Variants in GPRC5B observed in about 807,000 individuals in gnomAD.
The protein encoded by GPRC5B is G protein-coupled receptor class C group 5 member B, also known as G protein-coupled receptor family C group 5 member B.
Under a neutral mutation model 30.1 loss-of-function variants are expected in GPRC5B, and 16 were observed. The ratio of observed to expected loss-of-function variants is 0.53; its 90% CI spans 0.36 to 0.81. The LOEUF (loss-of-function observed/expected upper bound fraction) is 0.81. GPRC5B is among the 30% of genes least tolerant of loss of function. The probability of loss-of-function intolerance (pLI) is 0.01; values close to 1 mark genes in which losing one functional copy is unlikely to be tolerated. For synonymous variants in GPRC5B, 241 were observed against 239.5 expected (o/e 1.01, Z -0.06); for missense variants, 428 against 544.7 (o/e 0.79, Z 2.13).
intron 1 of GPRC5B, among the ~76,000 whole-genome samples, chr16:19,881,286 A>G (rs979449535): frequency 6.6e-6 from 1 of 152,212 alleles, no homozygotes; most frequent in Non-Finnish European, 1.5e-5. Context: ...CGTGAAAAAT[A>G]GTCTGGGCCA....
At position 19,884,372 on chromosome 16, in the gene GPRC5B, C is replaced by T. The variant is rs1049050502; in HGVS notation, c.-2+355G>A. ...GCAGCTCCTCACACATGACGAGTCA[C>T]TAGGACACGGCTGGGCTCCTTTACC... On this transcript the variant is annotated intron_variant, in intron 1 of 3. Transcript: ENST00000300571. Among the ~76,000 whole-genome samples, 9 of 151,496 alleles carry T rather than the reference C, an allele frequency of 5.9e-5. No homozygotes were observed. The East Asian group carries it at 9.8e-4, about 17-fold the overall frequency.
At chr16:19,885,107 C>A (rs1312034073), upstream of GPRC5B, 3 of 927,322 alleles carry the variant, frequency 3.2e-6, no homozygotes, top group South Asian at 2.7e-5. This position sits in a 1 kb window ranked among gnomAD's most constrained non-coding sequence, Gnocchi z 5.3. Context: ...ACATTCCCCC[C>A]ACAACGTCAG....
rs775973616 is a variant in GPRC5B, at chr16:19,879,421, C to T, written c.-2+5306G>A. Among the ~76,000 whole-genome samples the T allele has an allele frequency of 1.2e-3, 187 of 151,522 alleles. 1 individual carries two copies. Among genetic ancestry groups the T allele is most frequent in the Admixed American group, 3.5e-3 (53 of 15,236 alleles). Reference sequence around the variant, plus strand: ...ACTGCATCTCTCTCTCTCTCACACACACACACACACCACACACACAGACAC... The same window carrying T: ...ACTGCATCTCTCTCTCTCTCACACATACACACACACCACACACACAGACAC... On this transcript the variant is annotated intron_variant, in intron 1 of 3. Transcript: ENST00000300571.
chr16:19,879,227 TG>T (rs2056783904), intron 1 of GPRC5B, among the ~76,000 whole-genome samples: 3 of 151,784 alleles, frequency 2.0e-5, no homozygotes, highest in Non-Finnish European at 4.4e-5. Context: ...CAGGATTGAT[TG>T]GGACAGGATG....
intron 1 of GPRC5B, among the ~76,000 whole-genome samples, chr16:19,877,428 TGC>T (rs943285465): frequency 6.6e-6 from 1 of 152,142 alleles, no homozygotes; most frequent in Non-Finnish European, 1.5e-5. Context: ...TCATTATCAT[TGC>T]CATGGCTGCC....
At chr16:19,866,448 C>T (rs2056667539) in intron 2 of GPRC5B, among the ~76,000 whole-genome samples, 1 of 152,066 alleles carries the variant, frequency 6.6e-6, no homozygotes, top group East Asian at 1.9e-4. Context: ...CCTCTGCCTC[C>T]CCGGTTCAAG....
intron 1 of GPRC5B, among the ~76,000 whole-genome samples, chr16:19,878,932 A>G (rs1458543762): frequency 2.6e-5 from 4 of 152,074 alleles, no homozygotes; most frequent in Non-Finnish European, 4.4e-5. Flanking sequence ...TCCAGCCACC[A>G]GTGCTTCCAC....
intron 3 of GPRC5B, among the ~76,000 whole-genome samples, 167 bp downstream of exon 3, chr16:19,861,670 G>T (rs939039057): frequency 3.9e-5 from 6 of 152,186 alleles, no homozygotes; most frequent in African/African-American, 1.4e-4. Context: ...GAGAAAAGGG[G>T]TAGAAAGGGA....
intron 2 of GPRC5B, among the ~76,000 whole-genome samples, chr16:19,863,491 CTTTTTTTTTTTTTTT>C (rs10541805): frequency 2.4e-5 from 2 of 82,272 alleles, no homozygotes; most frequent in Non-Finnish European, 4.5e-5. Flanking sequence ...AATCTGTGTT[CTTTTTTTTTTTTTTT>C]TTTTTTTTGA....
Position 19,858,324 on chromosome 16 carries a change from G to A in GPRC5B, c.*2176C>T, listed in dbSNP as rs899559559. On this transcript the variant is annotated 3_prime_UTR_variant, in exon 4 of 4. Coordinates refer to ENST00000300571, the MANE Select transcript of GPRC5B (RefSeq NM_016235.3). ...TGCGATAACATATCAGATTTAAAAG[G>A]GGGGAAAAAGGTCTCATTAAATGAG... 6.8e-6 allele frequency: 3 copies of A among 442,084 alleles called. No individual in the cohort carries two copies. Among genetic ancestry groups the A allele is most frequent in the Non-Finnish European group, 8.0e-6 (2 of 250,050 alleles). The allele number at this position is 442,084 out of a possible 1,614,324, so 27.4% of individuals were successfully genotyped here.
Position 19,861,910 on chromosome 16 carries a change from T to C in GPRC5B, c.1094A>G (p.Lys365Arg). ...LGKRPSGSLG[K>R]RPSAPFRSNV... ...GCTTCTAAACGGAGCGCTGGGTCTT[T>C]TCCCCAAGCTGCCACTGGGTCTTTT... Residue 365 changes from lysine (K) to arginine (R), a missense_variant, in exon 3 of 4, where the codon AAA (lysine) becomes AGA (arginine). Lys to Arg is a conservative substitution (Grantham distance 26, BLOSUM62 2). Transcript: ENST00000300571. The C allele has an allele frequency of 6.2e-7, 1 of 1,613,688 alleles. No homozygotes were observed. Among genetic ancestry groups the C allele is most frequent in the Non-Finnish European group, 8.5e-7 (1 of 1,179,664 alleles).
At chr16:19,885,462 C>G (rs1428182171), upstream of GPRC5B, 1 of 1,135,064 alleles carries the variant, frequency 8.8e-7, no homozygotes, top group East Asian at 8.1e-5. The surrounding 1 kb of genome is among the most constrained non-coding windows in gnomAD (Gnocchi z 5.3). Context: ...GCCCAACTCC[C>G]AGATGTCGTT....
At chr16:19,861,102 A>AAAAAAG (rs1555457899) in intron 3 of GPRC5B, among the ~76,000 whole-genome samples, 3 of 151,862 alleles carry the variant, frequency 2.0e-5, no homozygotes, top group South Asian at 2.1e-4. Context: ...AAAAAAAAAA[A>AAAAAAG]AAGAAGAATG....
At chr16:19,876,881 G>C (rs1031617651) in intron 1 of GPRC5B, among the ~76,000 whole-genome samples, 50 of 152,220 alleles carry the variant, frequency 3.3e-4, no homozygotes, top group African/African-American at 1.2e-3. Flanking sequence ...GAGCTACCTT[G>C]CGTCTGAGCT....
intron 2 of GPRC5B, chr16:19,862,278 G>T (rs1048109039): frequency 9.5e-5 from 33 of 348,450 alleles, no homozygotes; most frequent in Non-Finnish European, 1.5e-4. Flanking sequence ...GCGGGTGACA[G>T]GCGCCTTCTC....
In GPRC5B at chr16:19,872,868, T is replaced by C. The variant is rs555144653; in HGVS notation, c.-1-22A>G. ...CATTCTAGAAAAGCCAAGAGGGGAA[T>C]GGTTGGGGGGAAGGAAAGATGAATT... On this transcript the variant is annotated intron_variant, in intron 1 of 3. Coordinates refer to ENST00000300571, the MANE Select transcript of GPRC5B (RefSeq NM_016235.3). The surrounding 1 kb of genome is among the most constrained non-coding windows in gnomAD (Gnocchi z 5.0). The C allele has an allele frequency of 1.8e-4, 279 of 1,565,860 alleles. 2 individuals carry two copies. In the South Asian group the frequency reaches 2.9e-3, roughly 16 times the overall value.
At chr16:19,884,241 C>T (rs1004672495) in intron 1 of GPRC5B, among the ~76,000 whole-genome samples, 1 of 150,298 alleles carries the variant, frequency 6.7e-6, no homozygotes, top group African/African-American at 2.5e-5. Context: ...TGACCCCCAG[C>T]CCCCGCGACA....
chr16:19,861,038 AG>A (rs1353681520), intron 3 of GPRC5B, among the ~76,000 whole-genome samples: 10 of 148,886 alleles, frequency 6.7e-5, no homozygotes, highest in African/African-American at 2.5e-4. Context: ...TCAAAAGGCC[AG>A]GAAAACCTAA....
At chr16:19,880,878 C>G (rs147641009) in intron 1 of GPRC5B, 1 of 152,364 alleles carries the variant, frequency 6.6e-6, no homozygotes, top group Non-Finnish European at 1.5e-5. Context: ...CAGCACGGCT[C>G]CACCCTGTGT....
Sources: gnomAD v4.1 joint callset for allele counts (sites outside exome capture counted in the v4.1 genomes callset) on GRCh38, gnomAD v4.1.1 for gene constraint, Gnocchi (gnomAD v3.1) non-coding constraint, MANE v1.5 for transcripts, NCBI Gene and HGNC (gene_info 2026-07-23, HGNC 2026-07-21) for gene names.